The following RIMOC1 variants were observed in gnomAD, a reference collection of about 807,000 sequenced individuals.
The protein encoded by RIMOC1 is RAB7A interacting MON1-CCZ1 complex subunit 1.
the RIMOC1 span, among the ~76,000 whole-genome samples, chr5:41,904,805 T>C: frequency 2.0e-5 from 3 of 152,200 alleles, no homozygotes; most frequent in Admixed American, 6.5e-5. Flanking sequence ...AGATGAATGA[T>C]AACACTCAAA....
At chr5:41,914,915 A>G in the RIMOC1 span, among the ~76,000 whole-genome samples, 3 of 152,160 alleles carry the variant, frequency 2.0e-5, no homozygotes, top group African/African-American at 7.2e-5. Flanking sequence ...AGTCCATATA[A>G]AATACAATTC....
chr5:41,915,549 TCA>T, the RIMOC1 span, among the ~76,000 whole-genome samples: 1 of 152,206 alleles, frequency 6.6e-6, no homozygotes, highest in Non-Finnish European at 1.5e-5. Context: ...TTTAATGGAC[TCA>T]CAGTTCCTCG....
At chr5:41,912,565 C>T in the RIMOC1 span, among the ~76,000 whole-genome samples, 2 of 152,182 alleles carry the variant, frequency 1.3e-5, no homozygotes, top group African/African-American at 2.4e-5. Context: ...AGGAAACTTA[C>T]AATCATGGTG....
the RIMOC1 span, chr5:41,910,906 GCCTC>G: frequency 1.3e-6 from 1 of 748,424 alleles, no homozygotes; most frequent in South Asian, 1.9e-5. Flanking sequence ...TGAAAATAAG[GCCTC>G]CCTGTGTAAG....
the RIMOC1 span, among the ~76,000 whole-genome samples, chr5:41,915,581 T>A: frequency 6.6e-6 from 1 of 152,136 alleles, no homozygotes; most frequent in African/African-American, 2.4e-5. Flanking sequence ...GGCCTCATAA[T>A]CATGGCAGAA....
At chr5:41,908,710 G>A in the RIMOC1 span, among the ~76,000 whole-genome samples, 1 of 152,100 alleles carries the variant, frequency 6.6e-6, no homozygotes, top group African/African-American at 2.4e-5. Flanking sequence ...GTGCTTGTCT[G>A]TATGTGTTTT....
At chr5:41,909,999 A>G in the RIMOC1 span, 1 of 925,602 alleles carries the variant, frequency 1.1e-6, no homozygotes, top group African/African-American at 1.8e-5. Flanking sequence ...TGTTTCTTAA[A>G]TTAAGATTGG....
the RIMOC1 span, among the ~76,000 whole-genome samples, chr5:41,905,150 C>G: frequency 3.3e-5 from 5 of 152,166 alleles, no homozygotes; most frequent in African/African-American, 1.2e-4. Flanking sequence ...TGAGTTTGAG[C>G]AATTACTACA....
At chr5:41,911,016 T>C in the RIMOC1 span, 1 of 1,593,412 alleles carries the variant, frequency 6.3e-7, no homozygotes, top group African/African-American at 1.4e-5. Flanking sequence ...CCAGTTTCCC[T>C]TTTTAGCTAT....
the RIMOC1 span, among the ~76,000 whole-genome samples, chr5:41,907,435 A>G: frequency 2.0e-5 from 3 of 152,130 alleles, no homozygotes; most frequent in Non-Finnish European, 4.4e-5. Context: ...TTTTGAGTGC[A>G]TTATCATAAA....
the RIMOC1 span, among the ~76,000 whole-genome samples, chr5:41,906,586 C>T: frequency 6.6e-6 from 1 of 152,282 alleles, no homozygotes; most frequent in African/African-American, 2.4e-5. Flanking sequence ...TCTTTTTCTA[C>T]ATTGTGTGGA....
At chr5:41,909,714 TGATA>T in the RIMOC1 span, 12 of 1,465,720 alleles carry the variant, frequency 8.2e-6, no homozygotes, top group African/African-American at 8.8e-5. Flanking sequence ...TTTAAGTCAT[TGATA>T]GATATCTTTC....
the RIMOC1 span, chr5:41,917,767 A>T: frequency 2.2e-6 from 2 of 907,300 alleles, no homozygotes; most frequent in Non-Finnish European, 2.6e-6. Context: ...AAAATGAAAG[A>T]TTATGACTAA....
the RIMOC1 span, chr5:41,904,483 A>AGAGGG: frequency 6.2e-7 from 1 of 1,611,698 alleles, no homozygotes. Context: ...GGAGCGGAGG[A>AGAGGG]GAGGGAGGCG....
At chr5:41,905,449 T>G in the RIMOC1 span, among the ~76,000 whole-genome samples, 84 of 152,324 alleles carry the variant, frequency 5.5e-4, no homozygotes, top group African/African-American at 1.9e-3. Flanking sequence ...TTTGGCATAT[T>G]TTGTAGAAAC....
the RIMOC1 span, among the ~76,000 whole-genome samples, chr5:41,913,138 G>C: frequency 1.3e-5 from 2 of 152,120 alleles, no homozygotes; most frequent in Non-Finnish European, 2.9e-5. Flanking sequence ...TGTGTTTCAG[G>C]CTACAGGAAT....
At chr5:41,920,626 G>A in the RIMOC1 span, 1 of 152,134 alleles carries the variant, frequency 6.6e-6, no homozygotes, top group Non-Finnish European at 1.5e-5. Context: ...ATAGGGAGAG[G>A]GGTGGGATGC....
chr5:41,909,811 T>C, the RIMOC1 span: 1 of 1,595,784 alleles, frequency 6.3e-7, no homozygotes, highest in Non-Finnish European at 8.5e-7. Flanking sequence ...CTGAAGACTC[T>C]TCTTCACAGA....
chr5:41,906,831 T>TA, the RIMOC1 span, among the ~76,000 whole-genome samples: 1 of 152,208 alleles, frequency 6.6e-6, no homozygotes, highest in Non-Finnish European at 1.5e-5. Context: ...CACCAAATGC[T>TA]ACACTATCTG....
Sources: allele counts gnomAD v4.1 joint callset (sites outside exome capture counted in the v4.1 genomes callset), GRCh38; gene constraint gnomAD v4.1.1; transcripts MANE v1.5; gene names NCBI Gene and HGNC (gene_info 2026-07-23, HGNC 2026-07-21).